Variants in ADGRF5 observed in about 807,000 individuals in gnomAD.
ADGRF5 encodes the protein adhesion G protein-coupled receptor F5, also known as G-protein coupled receptor 116.
ADGRF5 carries 75 observed loss-of-function variants against 132.3 expected under a neutral mutation model. The observed-to-expected ratio is 0.57, with a 90% CI of 0.47 to 0.69. The LOEUF is 0.69. Among genes scored for constraint, ADGRF5 ranks in the 30% least tolerant of loss-of-function variants. The pLI, the probability that ADGRF5 is intolerant of heterozygous loss-of-function variation, is 0.00. For missense variants in ADGRF5, 1,516 were observed against 1,630.6 expected (o/e 0.93, Z 1.21); for synonymous variants, 629 against 597.6 (o/e 1.05, Z -0.77).
chr6:46,950,652 C>T (rs1014853684), intron 1 of ADGRF5, among the ~76,000 whole-genome samples: 5 of 152,084 alleles, frequency 3.3e-5, no homozygotes, highest in Admixed American at 6.6e-5. Flanking sequence ...GTAGCTGGGA[C>T]TACAGGCAAG....
chr6:46,863,100 T>G lies in ADGRF5; in HGVS notation c.1991-4A>C. On this transcript the variant is annotated splice_region_variant and splice_polypyrimidine_tract_variant and intron_variant, in intron 14 of 20. Transcript: ENST00000283296. Reference sequence around the variant, plus strand: ...TCCTGGCATGTGATGTTTTCCCCTGTGTTGGAAACATTGAAATAAAGGGAT... The same window carrying G: ...TCCTGGCATGTGATGTTTTCCCCTGGGTTGGAAACATTGAAATAAAGGGAT... The G allele has an allele frequency of 2.5e-6, 4 of 1,606,050 alleles. No homozygotes were observed. The highest frequency in any genetic ancestry group is 3.4e-6 in the Non-Finnish European group (4 of 1,172,626).
chr6:46,887,038 T>C (rs1457266024), intron 4 of ADGRF5: 1 of 152,192 alleles, frequency 6.6e-6, no homozygotes, highest in Non-Finnish European at 1.5e-5. Context: ...CTTGAAGTCA[T>C]CCCATCTCTA....
At chr6:46,905,646 A>G (rs1216401223) in intron 2 of ADGRF5, among the ~76,000 whole-genome samples, 1 of 152,212 alleles carries the variant, frequency 6.6e-6, no homozygotes, top group Non-Finnish European at 1.5e-5. Flanking sequence ...AGAAATGACA[A>G]TTGGAATAGT....
intron 6 of ADGRF5, among the ~76,000 whole-genome samples, chr6:46,883,062 G>A (rs1193777601): frequency 6.6e-6 from 1 of 152,222 alleles, no homozygotes; most frequent in Non-Finnish European, 1.5e-5. Context: ...AGACAGGGCT[G>A]ACAAACAGTT....
Position 46,860,827 on chromosome 6 carries a change from A to G in ADGRF5, c.2267T>C (p.Ile756Thr). The G allele has an allele frequency of 1.2e-6, 2 of 1,613,800 alleles. No individual in the cohort carries two copies. Among genetic ancestry groups the G allele is most frequent in the South Asian group, 1.1e-5 (1 of 91,066 alleles). ...GCTGATTTCATGTTCCGCTTTGTCT[A>G]TGCTAATAGAAAGATCCTTCAGGTA... ...PTYLKDLSIS[I>T]DKAEHEISSS... The change falls in exon 16 of 21, where the codon ATA becomes ACA. Residue 756 changes from isoleucine (I) to threonine (T), a missense_variant. Coordinates refer to ENST00000283296, the MANE Select transcript of ADGRF5 (RefSeq NM_001098518.2).
chr6:46,858,411 G>A lies in ADGRF5; in HGVS notation c.3492C>T (p.Leu1164=), dbSNP rs1490429628. The A allele has an allele frequency of 6.2e-7, 1 of 1,613,810 alleles. No individual in the cohort carries two copies. Among genetic ancestry groups the A allele is most frequent in the African/African-American group, 1.3e-5 (1 of 74,908 alleles). The change falls in exon 17 of 21, where the codon CTC becomes CTT. Residue 1164 remains leucine (L), a synonymous_variant. Coordinates refer to ENST00000283296, the MANE Select transcript of ADGRF5 (RefSeq NM_001098518.2). ...EVYTRKNVCW[L]NWEDTKALLA... ...GCAGGGCCTTGGTGTCCTCCCAGTT[G>A]AGCCAACAGACATTCTTCCTCGTAT...
chr6:46,874,583 A>T (rs142982775), intron 10 of ADGRF5, among the ~76,000 whole-genome samples: 6 of 152,212 alleles, frequency 3.9e-5, no homozygotes, highest in Non-Finnish European at 8.8e-5. Flanking sequence ...CTTAACAGAC[A>T]TTCAGGATTT....
At position 46,937,594 on chromosome 6, in the gene ADGRF5, T is replaced by C. The variant is rs1268827810; in HGVS notation, c.-25+17140A>G. Among the ~76,000 whole-genome samples, 5 of 152,296 alleles carry C rather than the reference T, an allele frequency of 3.3e-5. No homozygotes were observed. The East Asian group carries it at 9.6e-4, about 29-fold the overall frequency. ...ATAGTACTAAACCCCATATATACCA[T>C]TTTTTATATGCATGCATACCTATGA... On this transcript the variant is annotated intron_variant, in intron 1 of 20. Coordinates refer to the ADGRF5 transcript ENST00000265417.
chr6:46,947,019 C>T (rs1209807638), intron 1 of ADGRF5, among the ~76,000 whole-genome samples: 1 of 152,202 alleles, frequency 6.6e-6, no homozygotes, highest in Admixed American at 6.5e-5. Context: ...TCATTTGCAA[C>T]ACGTTGAGTT....
intron 1 of ADGRF5, among the ~76,000 whole-genome samples, chr6:46,914,163 T>C (rs542178048): frequency 2.0e-5 from 3 of 152,188 alleles, no homozygotes; most frequent in Non-Finnish European, 4.4e-5. Context: ...AATTTTACTA[T>C]GATTATTACT....
chr6:46,918,017 C>T (rs1240121492), intron 1 of ADGRF5, among the ~76,000 whole-genome samples: 1 of 152,232 alleles, frequency 6.6e-6, no homozygotes, highest in Non-Finnish European at 1.5e-5. Flanking sequence ...TGCAATTCCA[C>T]AGCACTTAGC....
intron 1 of ADGRF5, among the ~76,000 whole-genome samples, chr6:46,952,144 C>T (rs866906257): frequency 9.2e-5 from 14 of 152,140 alleles, no homozygotes; most frequent in Middle Eastern, 3.2e-3. Context: ...AGGTACAGGA[C>T]CAAATGTGGG....
intron 6 of ADGRF5, among the ~76,000 whole-genome samples, chr6:46,882,368 C>T (rs1261065530): frequency 6.6e-6 from 1 of 151,798 alleles, no homozygotes; most frequent in African/African-American, 2.4e-5. Context: ...GTGGAGGGAG[C>T]AGGGAAGACA....
At chr6:46,872,675 C>T (rs184008506) in intron 10 of ADGRF5, among the ~76,000 whole-genome samples, 3 of 152,082 alleles carry the variant, frequency 2.0e-5, no homozygotes, top group African/African-American at 4.8e-5. Flanking sequence ...CTTTCCTTTC[C>T]CAGAAATACC....
At chr6:46,903,641 C>T (rs910379621) in intron 2 of ADGRF5, 1 of 151,544 alleles carries the variant, frequency 6.6e-6, no homozygotes, top group African/African-American at 2.4e-5. Flanking sequence ...GCCACACATG[C>T]CTCTTTTTCT....
chr6:46,866,107 C>A (rs12661477), intron 13 of ADGRF5, among the ~76,000 whole-genome samples: 36,915 of 151,408 alleles, frequency 0.24, 4,858 homozygotes, highest in East Asian at 0.38. Flanking sequence ...ATTTTTTTTT[C>A]TTTTTTTGCT....
chr6:46,884,662 G>T (rs1750495936), intron 4 of ADGRF5, among the ~76,000 whole-genome samples: 1 of 152,184 alleles, frequency 6.6e-6, no homozygotes, highest in Non-Finnish European at 1.5e-5. Context: ...ACTAGGATTG[G>T]TCTATGTAAT....
Position 46,866,915 on chromosome 6 carries a change from A to G in ADGRF5, c.1834+10T>C, listed in dbSNP as rs1338609862. The stretch of plus-strand genomic sequence containing the variant: ...AATATACCCTAACAATTCAGCAATC[A>G]GCATCTTACCAGCAGGAAGGGATGA... On this transcript the variant is annotated intron_variant, in intron 13 of 20. Transcript: ENST00000283296. The G allele has an allele frequency of 6.5e-7, 1 of 1,533,710 alleles. No individual in the cohort carries two copies. The highest frequency in any genetic ancestry group is 1.7e-5 in the Admixed American group (1 of 59,790).
chr6:46,899,688 T>A (rs931988856), intron 3 of ADGRF5, among the ~76,000 whole-genome samples: 43 of 151,606 alleles, frequency 2.8e-4, no homozygotes, highest in South Asian at 4.2e-4. Flanking sequence ...TTTTTTTTTT[T>A]AAAGCAAAAA....
Sources: allele counts gnomAD v4.1 joint callset (sites outside exome capture counted in the v4.1 genomes callset), GRCh38; gene constraint gnomAD v4.1.1; transcripts MANE v1.5; gene names NCBI Gene and HGNC (gene_info 2026-07-23, HGNC 2026-07-21).